Variants in KLF12 observed in about 807,000 individuals in gnomAD.
KLF12 encodes KLF transcription factor 12.
KLF12 carries 9 observed loss-of-function variants against 37.8 expected under a neutral mutation model. The observed-to-expected ratio is 0.24, with a 90% CI of 0.14 to 0.42. The LOEUF (loss-of-function observed/expected upper bound fraction) is 0.42, where lower values mean the gene tolerates loss of function less well. Among genes scored for constraint, KLF12 ranks in the 10% least tolerant of loss-of-function variants. The pLI is 1.00. For missense variants in KLF12, 411 were observed against 516.0 expected (o/e 0.80, Z 1.97); for synonymous variants, 208 against 202.1 (o/e 1.03, Z -0.25).
At chr13:74,117,893 G>A (rs1383241561) in intron 1 of KLF12, among the ~76,000 whole-genome samples, 1 of 152,120 alleles carries the variant, frequency 6.6e-6, no homozygotes, top group Non-Finnish European at 1.5e-5. Flanking sequence ...CCACAAAACA[G>A]AAAACTTAAC....
At chr13:74,007,964 A>G (rs2138348427) in intron 1 of KLF12, among the ~76,000 whole-genome samples, 1 of 152,314 alleles carries the variant, frequency 6.6e-6, no homozygotes, top group South Asian at 2.1e-4. Context: ...AAAAGACTCA[A>G]AAACAGTTAA....
chr13:74,012,661 G>C (rs1892580729), intron 1 of KLF12, among the ~76,000 whole-genome samples: 1 of 152,178 alleles, frequency 6.6e-6, no homozygotes, highest in African/African-American at 2.4e-5. Context: ...GTTGCTTCTA[G>C]TTATGTTTTT....
At chr13:74,055,417 T>C (rs938461287) in intron 1 of KLF12, among the ~76,000 whole-genome samples, 1 of 152,186 alleles carries the variant, frequency 6.6e-6, no homozygotes, top group African/African-American at 2.4e-5. Flanking sequence ...TCAGATTATC[T>C]GAGGATGTCT....
intron 3 of KLF12, among the ~76,000 whole-genome samples, chr13:73,888,950 G>C (rs1436903713): frequency 6.6e-6 from 1 of 152,202 alleles, no homozygotes; most frequent in Non-Finnish European, 1.5e-5. Flanking sequence ...AAAAATGCTA[G>C]AACTGTGTTC....
At chr13:73,913,251 C>G (rs1045818138) in intron 3 of KLF12, among the ~76,000 whole-genome samples, 3 of 152,160 alleles carry the variant, frequency 2.0e-5, no homozygotes, top group African/African-American at 7.2e-5. Flanking sequence ...TCTCCTTACA[C>G]GTCACTTAGT....
intron 1 of KLF12, among the ~76,000 whole-genome samples, chr13:74,092,060 C>T (rs147596605): frequency 0.012 from 1,878 of 150,896 alleles, 35 homozygotes; most frequent in African/African-American, 0.042. Flanking sequence ...GAGGCTGAGG[C>T]GGGCAGATCA....
At chr13:74,238,336 T>G in the KLF12 span, among the ~76,000 whole-genome samples, 47 of 129,544 alleles carry the variant, frequency 3.6e-4, no homozygotes, top group African/African-American at 5.2e-4. Context: ...GCTGGATTCG[T>G]TTTGCCAGTA....
intron 5 of KLF12, among the ~76,000 whole-genome samples, chr13:73,780,344 G>A (rs1164476920): frequency 6.6e-6 from 1 of 152,104 alleles, no homozygotes; most frequent in East Asian, 1.9e-4. Context: ...TGTCACCTGA[G>A]CAGCGTACAC....
chr13:73,761,447 C>G (rs1259834679), intron 6 of KLF12, among the ~76,000 whole-genome samples: 2 of 152,102 alleles, frequency 1.3e-5, no homozygotes, highest in African/African-American at 4.8e-5. Context: ...CTGTATCAAC[C>G]CAGAGATGGC....
rs373653728 is a variant in KLF12, at chr13:74,019,526, GT to G, written c.-31-24474del. On this transcript the variant is annotated intron_variant, in intron 1 of 7. Coordinates refer to ENST00000377669, the MANE Select transcript of KLF12 (RefSeq NM_007249.5). ...CTGTCAAGAAGCTTACTCATAATAGGTCTTTTTAACTTACAAGTCCCTTGCA... is the reference window on the plus strand; with the variant it reads ...CTGTCAAGAAGCTTACTCATAATAGGCTTTTTAACTTACAAGTCCCTTGCA... 5.8e-4 allele frequency among the ~76,000 whole-genome samples: 89 copies of G among 152,210 alleles called. No individual in the cohort carries two copies. In the East Asian group the frequency reaches 0.014, roughly 24 times the overall value.
At chr13:73,805,487 C>G (rs1427066309) in intron 5 of KLF12, among the ~76,000 whole-genome samples, 1 of 151,610 alleles carries the variant, frequency 6.6e-6, no homozygotes, top group Admixed American at 6.6e-5. Context: ...CCTCACGGCA[C>G]ACACTTGTAG....
Position 73,854,810 on chromosome 13 carries a change from T to G in KLF12, c.124-8437A>C, listed in dbSNP as rs558150247. 2.0e-5 allele frequency among the ~76,000 whole-genome samples: 3 copies of G among 152,354 alleles called. No individual in the cohort carries two copies. In the South Asian group the frequency reaches 6.2e-4, roughly 32 times the overall value. On this transcript the variant is annotated intron_variant, in intron 3 of 7. Coordinates refer to ENST00000377669, the MANE Select transcript of KLF12 (RefSeq NM_007249.5). ...TGAACAGTTGTCATTTCGTATGTTT[T>G]CATTATCTCTCCAATCCTAAAACTT...
chr13:74,173,373 T>C, the KLF12 span, among the ~76,000 whole-genome samples: 35,443 of 152,146 alleles, frequency 0.23, 7,005 homozygotes, highest in African/African-American at 0.54. Context: ...CTTTTGGGCA[T>C]GCAGCTGGGC....
chr13:73,917,934 A>G (rs1888920431), intron 3 of KLF12, among the ~76,000 whole-genome samples: 1 of 122,104 alleles, frequency 8.2e-6, no homozygotes, highest in Non-Finnish European at 1.8e-5. Context: ...GTGAGAAATG[A>G]AAAAAAAAAA....
At chr13:74,128,372 G>A (rs1330116209) in intron 1 of KLF12, among the ~76,000 whole-genome samples, 9 of 147,846 alleles carry the variant, frequency 6.1e-5, no homozygotes, top group South Asian at 2.2e-4. Flanking sequence ...GTGTGGGGGC[G>A]GTGGAGGTAT....
At chr13:73,701,479 G>T (rs1874551167) in intron 7 of KLF12, among the ~76,000 whole-genome samples, 1 of 152,028 alleles carries the variant, frequency 6.6e-6, no homozygotes, top group African/African-American at 2.4e-5. Context: ...TTTGACAATA[G>T]TCTTTAAAAA....
chr13:74,193,032 G>A, the KLF12 span, among the ~76,000 whole-genome samples: 1 of 148,500 alleles, frequency 6.7e-6, no homozygotes, highest in South Asian at 2.1e-4. Context: ...AGGCTGGAGT[G>A]CAGTGGTGTG....
chr13:73,973,439 A>G (rs1891402056), intron 2 of KLF12, among the ~76,000 whole-genome samples: 1 of 152,160 alleles, frequency 6.6e-6, no homozygotes, highest in Non-Finnish European at 1.5e-5. Context: ...ACCAAAACAG[A>G]CAGAGAGGGC....
intron 7 of KLF12, 109 bp from the exon 8 acceptor site, chr13:73,695,780 G>T: frequency 9.5e-7 from 1 of 1,056,944 alleles, no homozygotes. Context: ...TTTTCCCGTT[G>T]GTAAATCTTT....
Sources: allele counts gnomAD v4.1 joint callset (sites outside exome capture counted in the v4.1 genomes callset), GRCh38; gene constraint gnomAD v4.1.1; transcripts MANE v1.5; gene names NCBI Gene and HGNC (gene_info 2026-07-23, HGNC 2026-07-21).